SUSD1: variants seen among roughly 807,000 people sequenced by gnomAD.
SUSD1 encodes the protein sushi domain containing 1, also known as sushi domain-containing protein 1.
A neutral mutation model predicts 86.9 loss-of-function variants in SUSD1; 65 were observed. The observed-to-expected ratio is 0.75, with a 90% CI of 0.61 to 0.92. The LOEUF is 0.92. Among genes scored for constraint, SUSD1 ranks in the 40% least tolerant of loss-of-function variants. The probability of loss-of-function intolerance (pLI) is 0.00; values close to 1 mark genes in which losing one functional copy is unlikely to be tolerated. For missense variants in SUSD1, 850 were observed against 929.7 expected (o/e 0.91, Z 1.11); for synonymous variants, 346 against 350.0 (o/e 0.99, Z 0.13).
Position 112,063,143 on chromosome 9 carries a change from G to A in SUSD1, c.1754-110C>T, listed in dbSNP as rs926347703. 4.8e-5 allele frequency: 31 copies of A among 643,930 alleles called. No individual in the cohort carries two copies. In the East Asian group the frequency reaches 5.8e-4, roughly 12 times the overall value. The allele number at this position is 643,930 out of a possible 1,614,324, so 39.9% of individuals were successfully genotyped here. On this transcript the variant is annotated intron_variant, in intron 12 of 16. Coordinates refer to ENST00000374270, the MANE Select transcript of SUSD1 (RefSeq NM_022486.5). The stretch of plus-strand genomic sequence containing the variant: ...AAAAGAAAGTTTTAATTTCAGAAGC[G>A]AGGAGCCTATTCTGTACATGCCACA...
intron 5 of SUSD1, among the ~76,000 whole-genome samples, chr9:112,138,531 T>C (rs1832418464): frequency 6.6e-6 from 1 of 150,974 alleles, no homozygotes; most frequent in Non-Finnish European, 1.5e-5. Context: ...CAATCTCAGC[T>C]CACAGCAACC....
chr9:112,053,800 T>C (rs953547994), intron 14 of SUSD1, among the ~76,000 whole-genome samples: 8 of 152,150 alleles, frequency 5.3e-5, no homozygotes, highest in Non-Finnish European at 1.0e-4. Flanking sequence ...TTGCATTTTA[T>C]AAAACTCATG....
At chr9:112,132,646 A>G (rs1174770230) in intron 5 of SUSD1, among the ~76,000 whole-genome samples, 1 of 152,154 alleles carries the variant, frequency 6.6e-6, no homozygotes, top group East Asian at 1.9e-4. Context: ...TGATACGTAT[A>G]CTTACTTCAT....
intron 15 of SUSD1, among the ~76,000 whole-genome samples, chr9:112,051,419 TTTTTTTTTTTTTTTG>T (rs1295181487): frequency 5.2e-4 from 64 of 121,972 alleles, no homozygotes; most frequent in African/African-American, 1.4e-3. Context: ...TTTTTTTTTT[TTTTTTTTTTTTTTTG>T]TTGTTGTTGT....
intron 12 of SUSD1, among the ~76,000 whole-genome samples, chr9:112,073,411 C>CAAGT (rs1458531173): frequency 1.3e-5 from 2 of 152,104 alleles, no homozygotes; most frequent in Non-Finnish European, 2.9e-5. Context: ...TTGTGTAAGA[C>CAAGT]AAGTGGTCTG....
intron 1 of SUSD1, among the ~76,000 whole-genome samples, chr9:112,161,451 T>A (rs1833565986): frequency 1.3e-5 from 2 of 151,550 alleles, no homozygotes; most frequent in African/African-American, 4.9e-5. Flanking sequence ...GGATCCTGGG[T>A]CAAGTTGAAG....
intron 14 of SUSD1, among the ~76,000 whole-genome samples, chr9:112,057,942 G>A (rs1828523497): frequency 6.6e-6 from 1 of 152,162 alleles, no homozygotes; most frequent in Non-Finnish European, 1.5e-5. Flanking sequence ...CACGTCTCAG[G>A]AAAGAACCAC....
rs927861982 is a variant in SUSD1 at position 112,041,611 on chromosome 9, T to C, written c.*-119A>G. ...TGGGAGGAGGCGAGGGGGAGCAGCA[T>C]GGAAGCTCAGCCACCCCTCTGTGTG... On this transcript the variant is annotated intron_variant, in intron 16 of 16. Transcript: ENST00000374270. 3 of 738,734 alleles carry C rather than the reference T, an allele frequency of 4.1e-6. No individual in the cohort carries two copies. In the African/African-American group the frequency reaches 5.1e-5, roughly 13 times the overall value. 45.8% of individuals were successfully genotyped at this position (738,734 alleles called of 1,614,324 possible).
intron 8 of SUSD1, chr9:112,103,140 G>A (rs558200878): frequency 8.9e-5 from 41 of 462,604 alleles, no homozygotes; most frequent in South Asian, 5.6e-4. Flanking sequence ...TTTTATATGT[G>A]TATTTCTCCC....
chr9:112,042,436 C>T (rs1827784604), intron 15 of SUSD1, among the ~76,000 whole-genome samples: 1 of 152,156 alleles, frequency 6.6e-6, no homozygotes, highest in Admixed American at 6.5e-5. Context: ...TCATTTTCTC[C>T]ATACCTCAAC....
At chr9:112,102,849 AG>A (rs1189943630) in intron 8 of SUSD1, among the ~76,000 whole-genome samples, 1 of 152,252 alleles carries the variant, frequency 6.6e-6, no homozygotes, top group Non-Finnish European at 1.5e-5. Flanking sequence ...CTGAGTACTA[AG>A]GCAATAAAAT....
At chr9:112,071,917 T>G (rs566548041) in intron 12 of SUSD1, among the ~76,000 whole-genome samples, 186 of 152,270 alleles carry the variant, frequency 1.2e-3, no homozygotes, top group Non-Finnish European at 2.4e-3. Context: ...GAAAAAATAG[T>G]GTCTTCCACT....
intron 5 of SUSD1, among the ~76,000 whole-genome samples, chr9:112,139,565 C>T (rs1200948214): frequency 2.0e-5 from 3 of 152,078 alleles, no homozygotes; most frequent in Non-Finnish European, 2.9e-5. Context: ...CCACCTCAGC[C>T]TCCCAAGTAG....
intron 1 of SUSD1, among the ~76,000 whole-genome samples, chr9:112,174,587 T>C (rs1268266926): frequency 6.6e-6 from 1 of 152,164 alleles, no homozygotes; most frequent in East Asian, 1.9e-4. Context: ...AAGGGCCATC[T>C]GTTGAATGAA....
chr9:112,085,219 A>G (rs1401143453), intron 10 of SUSD1, among the ~76,000 whole-genome samples: 1 of 152,248 alleles, frequency 6.6e-6, no homozygotes, highest in African/African-American at 2.4e-5. Flanking sequence ...TGAGTAAGAC[A>G]TGCTTTCTGC....
chr9:112,175,283 T>A lies in SUSD1; in HGVS notation c.-48A>T. 1.8e-6 allele frequency: 2 copies of A among 1,125,438 alleles called. No individual in the cohort carries two copies. Among genetic ancestry groups the A allele is most frequent in the Non-Finnish European group, 1.1e-6 (1 of 919,868 alleles). 69.7% of individuals were successfully genotyped at this position (1,125,438 alleles called of 1,614,324 possible). A position where few individuals can be genotyped will look rare whatever the true frequency, so the allele number is the denominator to read the frequency against. On this transcript the variant is annotated 5_prime_UTR_variant, in exon 1 of 17. Transcript: ENST00000374270. This position sits in a 1 kb window ranked among gnomAD's most constrained non-coding sequence, Gnocchi z 4.7. ...GCGCCCGCGCCTCCTCCCGGGGCCC[T>A]CAGGGTGCAGAGATAAGGCTACAGG...
intron 1 of SUSD1, among the ~76,000 whole-genome samples, chr9:112,162,319 A>T (rs1229293609): frequency 6.6e-6 from 1 of 152,204 alleles, no homozygotes; most frequent in Non-Finnish European, 1.5e-5. Context: ...TCAAATTTCT[A>T]TAGGGAAATC....
At position 112,041,871 on chromosome 9, in the gene SUSD1, C is replaced by A. The variant is rs773432036; in HGVS notation, c.2239G>T (p.Val747Leu). 1 of 1,613,606 alleles carries A rather than the reference C, an allele frequency of 6.2e-7. No individual in the cohort carries two copies. Among genetic ancestry groups the A allele is most frequent in the Non-Finnish European group, 8.5e-7 (1 of 1,179,734 alleles). The change falls in exon 16 of 17, where the codon GTG becomes TTG. Residue 747 changes from valine (V) to leucine (L), a missense_variant. By Grantham distance (32) the Val-to-Leu change is conservative. Transcript: ENST00000374270. ...IILTFLSFSA[V>L] ...AAAAATGACACCCTCACATACCACACCGCTGAGAAGGAGAGGAATGTGAGA... is the reference window on the plus strand; with the variant it reads ...AAAAATGACACCCTCACATACCACAACGCTGAGAAGGAGAGGAATGTGAGA...
chr9:112,051,795 A>G (rs1245978396), intron 15 of SUSD1, among the ~76,000 whole-genome samples: 3 of 152,106 alleles, frequency 2.0e-5, no homozygotes, highest in African/African-American at 7.2e-5. Flanking sequence ...GCTTTTCGGC[A>G]TCTTTTCCTG....
Sources: allele counts gnomAD v4.1 joint callset (sites outside exome capture counted in the v4.1 genomes callset), GRCh38; gene constraint gnomAD v4.1.1; non-coding constraint Gnocchi (gnomAD v3.1); transcripts MANE v1.5; gene names NCBI Gene and HGNC (gene_info 2026-07-23, HGNC 2026-07-21).